The following NPIPB7 variants were observed in gnomAD, a reference collection of about 807,000 sequenced individuals.
The protein encoded by NPIPB7 is nuclear pore complex-interacting protein family member B7.
For missense variants in NPIPB7, 14 were observed against 238.5 expected (o/e 0.06, Z 6.20); for synonymous variants, 9 against 88.1 (o/e 0.10, Z 5.03).
At chr16:28,463,797 GA>G (rs2045887678) in intron 2 of NPIPB7, among the ~76,000 whole-genome samples, 1 of 135,642 alleles carries the variant, frequency 7.4e-6, no homozygotes, top group Non-Finnish European at 1.6e-5. Context: ...AGCACTTTGG[GA>G]GGCTGAGGCG....
At chr16:28,468,966 C>T (rs2141684368) in intron 1 of NPIPB7, among the ~76,000 whole-genome samples, 1 of 121,852 alleles carries the variant, frequency 8.2e-6, no homozygotes, top group East Asian at 2.1e-4. Context: ...CTTGTGATAA[C>T]ATTTCTACAT....
chr16:28,461,887 G>GCT (rs1422517444), intron 4 of NPIPB7, among the ~76,000 whole-genome samples: 1 of 141,116 alleles, frequency 7.1e-6, no homozygotes, highest in Non-Finnish European at 1.5e-5. Context: ...GGCGGAGGTT[G>GCT]CAGTGAGCCA....
chr16:28,462,286 G>A (rs2045876422), intron 4 of NPIPB7, among the ~76,000 whole-genome samples: 2 of 145,080 alleles, frequency 1.4e-5, no homozygotes, highest in African/African-American at 2.6e-5. Flanking sequence ...TGGGCGTGGT[G>A]GTGGGCACCT....
chr16:28,470,579 G>A (rs1488406406), upstream of NPIPB7: 2 of 73,684 alleles, frequency 2.7e-5, no homozygotes, highest in Non-Finnish European at 2.2e-5. Context: ...AGGGGAGGGG[G>A]AGGGGAAGGG....
In NPIPB7 at chr16:28,456,988, T is replaced by C. The variant is rs186878178; in HGVS notation, c.681A>G (p.Gly227=). Residue 227 remains glycine (G), a synonymous_variant, in exon 7 of 7, where the codon GGA becomes GGG. Coordinates refer to ENST00000452313, the Ensembl canonical transcript of NPIPB7. ...CTGTGAGGTAGAGCCAGTAGGGCAA[T>C]CCTGAAGAATGACAATGCTCCGCTG... 2.7e-3 allele frequency: 3,512 copies of C among 1,306,148 alleles called. 999 individuals carry two copies. In the Admixed American group the frequency reaches 0.065, roughly 24 times the overall value. The allele number at this position is 1,306,148 out of a possible 1,614,324, so 80.9% of individuals were successfully genotyped here. A position where few individuals can be genotyped will look rare whatever the true frequency, so the allele number is the denominator to read the frequency against.
At chr16:28,468,789 A>T (rs2045921213) in intron 1 of NPIPB7, among the ~76,000 whole-genome samples, 1 of 102,916 alleles carries the variant, frequency 9.7e-6, no homozygotes. Flanking sequence ...CCTGGGTGAC[A>T]GAGTGAGACT....
chr16:28,464,435 C>A (rs1351419935), intron 2 of NPIPB7, among the ~76,000 whole-genome samples: 1 of 152,154 alleles, frequency 6.6e-6, no homozygotes, highest in African/African-American at 2.4e-5. Context: ...AGCGAAAATG[C>A]AATGCAAATC....
At chr16:28,462,366 G>A (rs1252660857) in intron 4 of NPIPB7, among the ~76,000 whole-genome samples, 5 of 145,666 alleles carry the variant, frequency 3.4e-5, no homozygotes, top group African/African-American at 1.3e-4. Flanking sequence ...AGCTGAGATT[G>A]TGCCATTGCA....
At chr16:28,471,979 G>A (rs2045953562), upstream of NPIPB7, among the ~76,000 whole-genome samples, 1 of 152,086 alleles carries the variant, frequency 6.6e-6, no homozygotes, top group African/African-American at 2.4e-5. Flanking sequence ...GCAGTGAGCT[G>A]AGATAGTGCC....
At chr16:28,470,624 G>GAAGGGGAGGGGA (rs1567250671), upstream of NPIPB7, 1 of 67,100 alleles carries the variant, frequency 1.5e-5, no homozygotes, top group Non-Finnish European at 2.9e-5. Context: ...AGGGGAAGGG[G>GAAGGGGAGGGGA]AGGGGAGGGG....
At chr16:28,465,557 G>C (rs1302055420) in intron 2 of NPIPB7, among the ~76,000 whole-genome samples, 1 of 142,882 alleles carries the variant, frequency 7.0e-6, no homozygotes, top group Non-Finnish European at 1.5e-5. Context: ...TCAGGACTAA[G>C]TGGCATAGAG....
At chr16:28,463,538 C>A (rs1489207597) in intron 2 of NPIPB7, among the ~76,000 whole-genome samples, 2 of 140,224 alleles carry the variant, frequency 1.4e-5, no homozygotes, top group Admixed American at 1.4e-4. Context: ...ACCAGCCTCA[C>A]CAACATGGAG....
intron 4 of NPIPB7, among the ~76,000 whole-genome samples, chr16:28,462,212 A>T (rs1481839310): frequency 2.0e-5 from 3 of 149,676 alleles, no homozygotes; most frequent in South Asian, 2.1e-4. Flanking sequence ...CTGAGGTCAG[A>T]AGTTCGAGAC....
chr16:28,470,899 T>C (rs2045946185), upstream of NPIPB7, among the ~76,000 whole-genome samples: 1 of 114,164 alleles, frequency 8.8e-6, no homozygotes, highest in Admixed American at 9.2e-5. Flanking sequence ...CCGCCAAACC[T>C]TCTTCGGTCT....
At chr16:28,462,410 T>A in intron 4 of NPIPB7, among the ~76,000 whole-genome samples, 2 of 138,736 alleles carry the variant, frequency 1.4e-5, no homozygotes, top group South Asian at 2.2e-4. Context: ...AAGCTCCATC[T>A]CAGGAAAAAA....
intron 4 of NPIPB7, among the ~76,000 whole-genome samples, chr16:28,462,456 C>G (rs1172998983): frequency 6.8e-6 from 1 of 146,796 alleles, no homozygotes; most frequent in Middle Eastern, 3.6e-3. Flanking sequence ...AATGCCAGTA[C>G]TAGCAACTCC....
At position 28,461,300 on chromosome 16, in the gene NPIPB7, C is replaced by T. The variant is rs1162990625; in HGVS notation, c.545+1374G>A. On this transcript the variant is annotated intron_variant, in intron 4 of 6. Coordinates refer to ENST00000452313, the Ensembl canonical transcript of NPIPB7. Reference sequence around the variant, plus strand: ...GCCTTTGTAGGGACTGAGCCTGCACCGACGACCTCAATTGCAGCCTGTATG... The same window carrying T: ...GCCTTTGTAGGGACTGAGCCTGCACTGACGACCTCAATTGCAGCCTGTATG... 9.2e-4 allele frequency among the ~76,000 whole-genome samples: 123 copies of T among 133,052 alleles called. 2 individuals carry two copies. The highest frequency in any genetic ancestry group is 3.1e-3 in the African/African-American group (115 of 36,540). 87.3% of individuals were successfully genotyped at this position (133,052 alleles called of 152,430 possible).
Sources: allele counts gnomAD v4.1 joint callset (sites outside exome capture counted in the v4.1 genomes callset), GRCh38; gene constraint gnomAD v4.1.1; transcripts MANE v1.5; gene names NCBI Gene and HGNC (gene_info 2026-07-23, HGNC 2026-07-21).